CDH16: variants seen among roughly 807,000 people sequenced by gnomAD.
The protein encoded by CDH16 is cadherin 16.
A neutral mutation model predicts 87.6 loss-of-function variants in CDH16; 79 were observed. The ratio of observed to expected loss-of-function variants is 0.90; its 90% confidence interval spans 0.75 to 1.09. The LOEUF is 1.09. CDH16 is among the 50% of genes least tolerant of loss of function. The pLI is 0.00. For missense variants in CDH16, 1,124 were observed against 1,071.7 expected (o/e 1.05, Z -0.68); for synonymous variants, 457 against 439.5 (o/e 1.04, Z -0.50).
At chr16:66,914,937 G>A (rs1962611437) in intron 6 of CDH16, among the ~76,000 whole-genome samples, 1 of 152,158 alleles carries the variant, frequency 6.6e-6, no homozygotes, top group African/African-American at 2.4e-5. Context: ...AGGTTGCCCA[G>A]CAGCATCTTA....
chr16:66,910,302 TG>T lies in CDH16; in HGVS notation c.2124del (p.Asn709ThrfsTer33). 1 of 1,612,942 alleles carries T rather than the reference TG, an allele frequency of 6.2e-7. No individual in the cohort carries two copies. Among genetic ancestry groups the T allele is most frequent in the South Asian group, 1.1e-5 (1 of 90,884 alleles). On this transcript the variant is annotated frameshift_variant, in exon 15 of 18. Transcript: ENST00000299752. LOFTEE classifies it high-confidence loss of function. ...CGCCAATCCCGTTGCACCGTGGGGT[TG>T]GGACCAAGGGTGAAGCTGTAGGGAC... ...GHGPYSFTLG[P>X]NPTVQRDWRL...
chr16:66,915,077 G>A, intron 6 of CDH16, 143 bp downstream of exon 6: 2 of 759,346 alleles, frequency 2.6e-6, no homozygotes, highest in East Asian at 2.6e-5. Context: ...ACAGCCCCCT[G>A]CCTTGTTGCT....
intron 14 of CDH16, chr16:66,910,877 C>T (rs1430441251): frequency 2.1e-5 from 8 of 387,128 alleles, no homozygotes; most frequent in Admixed American, 8.7e-5. Flanking sequence ...GCCACCTCCC[C>T]GGCCCTATAC....
intron 12 of CDH16, 26 bp from the exon 13 acceptor site, chr16:66,912,166 G>T (rs774003658): frequency 4.4e-6 from 7 of 1,607,720 alleles, no homozygotes; most frequent in Non-Finnish European, 6.0e-6. Flanking sequence ...CCAGGTCACT[G>T]TGCGGGCCTG....
rs1269799885 is a variant in CDH16, at chr16:66,916,155, C to T, written c.334G>A (p.Val112Met). 2 of 1,614,134 alleles carry T rather than the reference C, an allele frequency of 1.2e-6. No individual in the cohort carries two copies. Among genetic ancestry groups the T allele is most frequent in the Non-Finnish European group, 1.7e-6 (2 of 1,180,060 alleles). ...TTCTCATCCTTCACGTGCACAAGCA[C>T]AGGCTGTGGACCCCACAAGACATGT... ...DGHVLWGPQPVLVHVKDENDQ... is the reference protein window; with the variant it reads ...DGHVLWGPQPMLVHVKDENDQ... The change falls in exon 5 of 18, where the codon GTG (valine) becomes ATG (methionine). Residue 112 changes from valine to methionine, a missense_variant. Transcript: ENST00000299752. The surrounding 1 kb of genome is among the most constrained non-coding windows in gnomAD (Gnocchi z 4.1).
rs763223494 is a variant in CDH16 at position 66,917,622 on chromosome 16, A to G, written c.129+20T>C. ...GCGGGGAGGGATCCCCCCGGCCCCA[A>G]CCCCAGCTCTCCGGCTCACCTTGGT... On this transcript the variant is annotated intron_variant, in intron 3 of 17. Coordinates refer to ENST00000299752, the MANE Select transcript of CDH16 (RefSeq NM_004062.4). The G allele has an allele frequency of 6.3e-7, 1 of 1,598,058 alleles. No individual in the cohort carries two copies. Among genetic ancestry groups the G allele is most frequent in the Non-Finnish European group, 8.6e-7 (1 of 1,167,230 alleles).
chr16:66,909,194 G>A lies in CDH16; in HGVS notation c.2392+73C>T. 1 of 927,750 alleles carries A rather than the reference G, an allele frequency of 1.1e-6. No homozygotes were observed. Among genetic ancestry groups the A allele is most frequent in the South Asian group, 1.3e-5 (1 of 75,548 alleles). The allele number at this position is 927,750 out of a possible 1,614,324, so 57.5% of individuals were successfully genotyped here. On this transcript the variant is annotated intron_variant, in intron 17 of 17. Coordinates refer to ENST00000299752, the MANE Select transcript of CDH16 (RefSeq NM_004062.4). The surrounding 1 kb of genome is among the most constrained non-coding windows in gnomAD (Gnocchi z 4.1). ...AGCTAGGGGCACCATGGGGACAAAG[G>A]TGTTTATTTGGAGGCTGTGGTCCCA... is the stretch of plus-strand genomic sequence containing the variant.
chr16:66,917,687 T>G lies in CDH16; in HGVS notation c.84A>C (p.Glu28Asp). The change falls in exon 3 of 18, where the codon GAA becomes GAC. Residue 28 changes from glutamate (E) to aspartate (D), a missense_variant. Physicochemically the swap from Glu to Asp is conservative, Grantham distance 45 (BLOSUM62 2). Coordinates refer to ENST00000299752, the MANE Select transcript of CDH16 (RefSeq NM_004062.4). ...AATTTCCACCATAGTTTTCTGGAAC[T>G]TCCACAGACAGCTCTGCAGGCTGGG... is the stretch of plus-strand genomic sequence containing the variant. ...PKAQPAELSV[E>D]VPENYGGNFP... is the part of the protein sequence containing the mutation. 4 of 1,613,504 alleles carry G rather than the reference T, an allele frequency of 2.5e-6. No individual in the cohort carries two copies. The highest frequency in any genetic ancestry group is 3.4e-6 in the Non-Finnish European group (4 of 1,179,788).
intron 14 of CDH16, chr16:66,910,713 T>C: frequency 2.0e-6 from 1 of 508,534 alleles, no homozygotes; most frequent in South Asian, 5.5e-5. Flanking sequence ...CTGCCCTGTA[T>C]CACAGCCCAG....
At chr16:66,918,190 CA>C in intron 1 of CDH16, 112 bp from the exon 2 acceptor site, 1 of 701,402 alleles carries the variant, frequency 1.4e-6, no homozygotes, top group Non-Finnish European at 2.2e-6. Context: ...TCCTCCCCTC[CA>C]AAGGAGCTGA....
At chr16:66,914,181 G>A in intron 7 of CDH16, 35 bp downstream of exon 7, 2 of 1,573,470 alleles carry the variant, frequency 1.3e-6, no homozygotes, top group Non-Finnish European at 8.7e-7. Context: ...CACCATCCAT[G>A]GGGCTGCTTC....
chr16:66,914,216 C>A lies in CDH16; in HGVS notation c.780G>T (p.Gln260His). 6.2e-7 allele frequency: 1 copy of A among 1,611,570 alleles called. No individual in the cohort carries two copies. Among genetic ancestry groups the A allele is most frequent in the South Asian group, 1.1e-5 (1 of 91,008 alleles). The change falls in exon 7 of 18, where the codon CAG (glutamine) becomes CAT (histidine). Residue 260 changes from glutamine to histidine, a missense_variant and splice_region_variant. Physicochemically the swap from Gln to His is conservative, Grantham distance 24. Transcript: ENST00000299752. ...CAGCCACTGACAGCCACTTACTCAC[C>A]TGGGCCATGTGGTGCGGGTATAGGA... Reference protein sequence around the residue: ...LKVLYPHHMAQVHWSGGDVHY... With the variant: ...LKVLYPHHMAHVHWSGGDVHY...
At chr16:66,914,002 T>A (rs568634632) in intron 7 of CDH16, among the ~76,000 whole-genome samples, 11 of 152,034 alleles carry the variant, frequency 7.2e-5, no homozygotes, top group Non-Finnish European at 1.6e-4. Flanking sequence ...GAGCACAGAG[T>A]CACGCCTGCT....
chr16:66,908,797 A>T (rs1962275365), intron 17 of CDH16, among the ~76,000 whole-genome samples: 1 of 152,194 alleles, frequency 6.6e-6, no homozygotes, highest in Admixed American at 6.5e-5. Context: ...GGCTCATCAC[A>T]GCAGTGTGCT....
chr16:66,913,600 C>T lies in CDH16; in HGVS notation c.794G>A (p.Gly265Glu), dbSNP rs1441784470. The T allele has an allele frequency of 1.2e-6, 2 of 1,614,026 alleles. No individual in the cohort carries two copies. The highest frequency in any genetic ancestry group is 1.7e-5 in the Admixed American group (1 of 60,008). ...PHHMAQVHWS[G>E]GDVHYHLESH... ...CTCCAGGTGATAGTGCACATCACCC[C>T]CACTCCAGTGTACCTGGGGGGGACA... The change falls in exon 8 of 18, where the codon GGG (glycine) becomes GAG (glutamate). Residue 265 changes from glycine to glutamate, a missense_variant. Transcript: ENST00000299752.
chr16:66,916,216 G>C lies in CDH16; in HGVS notation c.286-13C>G. ...TCTCCAGGGTGACCTGGCAGGGAAG[G>C]GGAGTCAGCGTCTGGCTCTGCCTTG... On this transcript the variant is annotated splice_polypyrimidine_tract_variant and intron_variant, in intron 4 of 17. Coordinates refer to ENST00000299752, the MANE Select transcript of CDH16 (RefSeq NM_004062.4). This position sits in a 1 kb window ranked among gnomAD's most constrained non-coding sequence, Gnocchi z 4.1. 6.2e-7 allele frequency: 1 copy of C among 1,614,266 alleles called. No individual in the cohort carries two copies. Among genetic ancestry groups the C allele is most frequent in the Non-Finnish European group, 8.5e-7 (1 of 1,180,050 alleles).
At chr16:66,912,465 A>T (rs749280240) in intron 11 of CDH16, 35 bp from the exon 12 acceptor site, 1 of 1,614,102 alleles carries the variant, frequency 6.2e-7, no homozygotes. Context: ...GCCCCCCACC[A>T]GCATCCTTCC....
chr16:66,914,659 C>A (rs182423889), intron 6 of CDH16, among the ~76,000 whole-genome samples: 14 of 152,162 alleles, frequency 9.2e-5, no homozygotes, highest in Admixed American at 2.6e-4. Flanking sequence ...AGGTGGATGA[C>A]CAGGATGAGG....
Position 66,911,333 on chromosome 16 carries a change from AGGTGAGGAGGTACT to A in CDH16, c.1791-32_1791-19del. 1 of 1,611,762 alleles carries A rather than the reference AGGTGAGGAGGTACT, an allele frequency of 6.2e-7. No individual in the cohort carries two copies. On this transcript the variant is annotated intron_variant, in intron 13 of 17. Coordinates refer to ENST00000299752, the MANE Select transcript of CDH16 (RefSeq NM_004062.4). ...GGGAGAACCTGCCGCCCAAAGAAGG[AGGTGAGGAGGTACT>A]GGGACTACATATAGGGTTTTGCTCA...
Sources: gnomAD v4.1 joint callset for allele counts (sites outside exome capture counted in the v4.1 genomes callset) on GRCh38, gnomAD v4.1.1 for gene constraint, Gnocchi (gnomAD v3.1) non-coding constraint, MANE v1.5 for transcripts, NCBI Gene and HGNC (gene_info 2026-07-23, HGNC 2026-07-21) for gene names.